The following GBE1 variants were observed in gnomAD, a reference collection of about 807,000 sequenced individuals.
The protein encoded by GBE1 is 1,4-alpha-glucan-branching enzyme.
A neutral mutation model predicts 88.8 loss-of-function variants in GBE1; 70 were observed. The observed-to-expected ratio is 0.79, with a 90% CI of 0.65 to 0.96. GBE1 has a LOEUF of 0.96. GBE1 is among the 40% of genes least tolerant of loss of function. The pLI, the probability that GBE1 is intolerant of heterozygous loss-of-function variation, is 0.00. For missense variants in GBE1, 872 were observed against 871.0 expected, an observed-to-expected ratio of 1.00 and a Z score of -0.01; for synonymous variants, 284 against 300.1, an observed-to-expected ratio of 0.95 and a Z score of 0.56.
chr3:81,724,850 A>C (rs1395880812), intron 1 of GBE1, among the ~76,000 whole-genome samples: 1 of 152,230 alleles, frequency 6.6e-6, no homozygotes, highest in African/African-American at 2.4e-5. Flanking sequence ...AAGTCTATAA[A>C]GCCAACAACT....
intron 15 of GBE1, among the ~76,000 whole-genome samples, chr3:81,497,678 A>C (rs985306441): frequency 6.6e-6 from 1 of 152,112 alleles, no homozygotes; most frequent in Non-Finnish European, 1.5e-5. Context: ...CTGGCTATGT[A>C]AGAATTTTGC....
chr3:81,570,076 C>T (rs1396465538), intron 12 of GBE1, among the ~76,000 whole-genome samples: 4 of 152,100 alleles, frequency 2.6e-5, no homozygotes, highest in Admixed American at 2.6e-4. Context: ...TCCCAAAGTG[C>T]TGGGATTACA....
intron 14 of GBE1, among the ~76,000 whole-genome samples, chr3:81,513,210 T>C (rs1178003596): frequency 6.6e-6 from 1 of 151,328 alleles, no homozygotes; most frequent in African/African-American, 2.4e-5. Context: ...ATTTAGATCT[T>C]AAAAAAGATA....
At chr3:81,711,374 G>C (rs926812385) in intron 1 of GBE1, among the ~76,000 whole-genome samples, 1 of 152,180 alleles carries the variant, frequency 6.6e-6, no homozygotes, top group Non-Finnish European at 1.5e-5. Context: ...GGGAAAATAG[G>C]GTTAAAGGAG....
At position 81,490,416 on chromosome 3, in the gene GBE1, C is replaced by T; in HGVS notation, c.2100G>A (p.Leu700=). ...CTGAAATCAGGCCTCTTCAATTCGG[C>T]AGATCCACATTCTGAAGGATGAGGG... ...RVALILQNVD[L]PN is the part of the protein sequence containing the mutation. Residue 700 remains leucine (L), a synonymous_variant, in exon 16 of 16, where the codon CTG becomes CTA. Transcript: ENST00000429644. 6.2e-7 allele frequency: 1 copy of T among 1,612,978 alleles called. No homozygotes were observed. The highest frequency in any genetic ancestry group is 8.5e-7 in the Non-Finnish European group (1 of 1,179,216).
At chr3:81,597,198 C>T (rs999277138) in intron 7 of GBE1, among the ~76,000 whole-genome samples, 3 of 151,670 alleles carry the variant, frequency 2.0e-5, no homozygotes, top group African/African-American at 7.2e-5. Context: ...CATCAAACAG[C>T]CCATAACACA....
intron 7 of GBE1, among the ~76,000 whole-genome samples, chr3:81,603,456 AC>A (rs1704059987): frequency 6.6e-6 from 1 of 152,104 alleles, no homozygotes; most frequent in African/African-American, 2.4e-5. Flanking sequence ...AAAAGAGGGT[AC>A]CAGATTATTT....
intron 12 of GBE1, among the ~76,000 whole-genome samples, chr3:81,556,111 CTAAACTTG>C (rs1181902919): frequency 6.8e-6 from 1 of 146,396 alleles, no homozygotes; most frequent in East Asian, 2.1e-4. Flanking sequence ...GTAATTGTAC[CTAAACTTG>C]TAAATTTCCA....
At chr3:81,756,645 C>T (rs952136941) in intron 1 of GBE1, among the ~76,000 whole-genome samples, 1 of 152,152 alleles carries the variant, frequency 6.6e-6, no homozygotes, top group Non-Finnish European at 1.5e-5. Context: ...GACCCCTCAA[C>T]CAGCCCAGAA....
chr3:81,535,287 A>G lies in GBE1; in HGVS notation c.1842T>C (p.Ile614=), dbSNP rs774354874. ...AAAGAAGACCTGCTCTTTCAAAAGC[A>G]ATGATCTTATTGCCTTCATGTTTTT... The part of the protein sequence containing the change: ...VSEKHEGNKI[I]AFERAGLLFI... The change falls in exon 14 of 16, where the codon ATT becomes ATC. Residue 614 remains isoleucine, a synonymous_variant. Transcript: ENST00000429644. 4 of 1,611,248 alleles carry G rather than the reference A, an allele frequency of 2.5e-6. No homozygotes were observed. Among genetic ancestry groups the G allele is most frequent in the East Asian group, 2.2e-5 (1 of 44,792 alleles).
intron 12 of GBE1, among the ~76,000 whole-genome samples, chr3:81,564,958 C>T (rs552223573): frequency 6.6e-6 from 1 of 152,266 alleles, no homozygotes; most frequent in Non-Finnish European, 1.5e-5. Flanking sequence ...TGGTTGGGGT[C>T]AGGCTCTTGG....
At chr3:81,549,567 A>C (rs2106891679) in intron 12 of GBE1, among the ~76,000 whole-genome samples, 1 of 151,546 alleles carries the variant, frequency 6.6e-6, no homozygotes, top group South Asian at 2.1e-4. Flanking sequence ...ATAAGCAACG[A>C]ATGTCACTTT....
At chr3:81,649,608 T>C (rs973377146) in intron 4 of GBE1, among the ~76,000 whole-genome samples, 188 bp downstream of exon 4, 19 of 152,240 alleles carry the variant, frequency 1.2e-4, no homozygotes, top group African/African-American at 4.6e-4. Flanking sequence ...AAAACTAACT[T>C]CTATATGTTA....
chr3:81,740,449 C>CA (rs1706330644), intron 1 of GBE1, among the ~76,000 whole-genome samples: 1 of 151,148 alleles, frequency 6.6e-6, no homozygotes, highest in South Asian at 2.1e-4. Context: ...CAAAACAAAA[C>CA]AAAAAACAAA....
At chr3:81,572,801 CA>C (rs1703592054) in intron 12 of GBE1, among the ~76,000 whole-genome samples, 1 of 151,960 alleles carries the variant, frequency 6.6e-6, no homozygotes, top group African/African-American at 2.4e-5. Flanking sequence ...ATTGCAGTAT[CA>C]GGGTTGGTGT....
At chr3:81,550,803 G>A (rs1301879973) in intron 12 of GBE1, among the ~76,000 whole-genome samples, 4 of 152,190 alleles carry the variant, frequency 2.6e-5, no homozygotes, top group African/African-American at 9.7e-5. Flanking sequence ...GAGGAGGTAT[G>A]AATAATCCAC....
intron 7 of GBE1, among the ~76,000 whole-genome samples, chr3:81,616,491 T>C (rs1020748261): frequency 6.6e-6 from 1 of 152,152 alleles, no homozygotes; most frequent in Non-Finnish European, 1.5e-5. Context: ...TGTGCTTTTG[T>C]CAAAAATTAG....
At position 81,577,940 on chromosome 3, in the gene GBE1, A is replaced by G; in HGVS notation, c.1603T>C (p.Tyr535His). ...TCACACTTACCCATGAAATTGAGAT[A>G]GCCTTCTCCACCAAGCCCATGCGTA... The part of the protein sequence containing the change: ...LITHGLGGEG[Y>H]LNFMGNEFGH... The change falls in exon 12 of 16, where the codon TAT becomes CAT. Residue 535 changes from tyrosine to histidine, a missense_variant. Tyr to His is a moderately conservative substitution (Grantham distance 83). Coordinates refer to ENST00000429644, the MANE Select transcript of GBE1 (RefSeq NM_000158.4). The G allele has an allele frequency of 6.3e-7, 1 of 1,595,388 alleles. No individual in the cohort carries two copies. The highest frequency in any genetic ancestry group is 8.5e-7 in the Non-Finnish European group (1 of 1,173,736).
chr3:81,624,131 A>C (rs1286597260), intron 7 of GBE1, among the ~76,000 whole-genome samples: 1 of 152,218 alleles, frequency 6.6e-6, no homozygotes, highest in Admixed American at 6.5e-5. Flanking sequence ...CAGAAGGCAA[A>C]GAGGAAGCAA....
Sources: gnomAD v4.1 joint callset for allele counts (sites outside exome capture counted in the v4.1 genomes callset) on GRCh38, gnomAD v4.1.1 for gene constraint, MANE v1.5 for transcripts, NCBI Gene and HGNC (gene_info 2026-07-23, HGNC 2026-07-21) for gene names.